TLK2: variants seen among roughly 807,000 people sequenced by gnomAD.
The protein encoded by TLK2 is serine/threonine-protein kinase tousled-like 2.
In TLK2, 6 loss-of-function variants were observed where a neutral mutation model predicts 117.3. The observed-to-expected ratio is 0.05, with a 90% CI of 0.03 to 0.10. The LOEUF (loss-of-function observed/expected upper bound fraction) is 0.10. Ranked by LOEUF, TLK2 falls within the 10% of genes least tolerant of loss-of-function variation. The pLI is 1.00. For missense variants in TLK2, 299 were observed against 901.2 expected (o/e 0.33, Z 8.56); for synonymous variants, 257 against 316.7 (o/e 0.81, Z 2.00).
At chr17:62,576,570 C>T in intron 12 of TLK2, 139 bp from the exon 13 acceptor site, 1 of 664,352 alleles carries the variant, frequency 1.5e-6, no homozygotes, top group South Asian at 1.9e-5. Context: ...TGTCAGAGGA[C>T]TACAAGATAA....
chr17:62,516,507 C>T (rs1365797864), intron 2 of TLK2: 15 of 1,607,324 alleles, frequency 9.3e-6, no homozygotes, highest in African/African-American at 4.0e-5. Flanking sequence ...GCACAATCTC[C>T]GGGGGCAGAT....
chr17:62,517,501 T>C (rs2145434150), intron 2 of TLK2, among the ~76,000 whole-genome samples: 1 of 151,904 alleles, frequency 6.6e-6, no homozygotes, highest in Non-Finnish European at 1.5e-5. Flanking sequence ...TTCACGCCAT[T>C]CTTCTGCCTC....
At position 62,606,258 on chromosome 17, in the gene TLK2, A is replaced by G. The variant is rs749046386; in HGVS notation, c.1971+17A>G. 5.9e-6 allele frequency: 9 copies of G among 1,522,156 alleles called. No individual in the cohort carries two copies. Among genetic ancestry groups the G allele is most frequent in the Non-Finnish European group, 7.2e-6 (8 of 1,107,730 alleles). 94.3% of individuals were successfully genotyped at this position (1,522,156 alleles called of 1,614,324 possible). On this transcript the variant is annotated intron_variant, in intron 20 of 21. Transcript: ENST00000346027. ...GGAAGGAAGGTAAGTTAGAAGGTTGATGGAGAAGCTTGATCTCTTTCTTGG... is the reference window on the plus strand; with the variant it reads ...GGAAGGAAGGTAAGTTAGAAGGTTGGTGGAGAAGCTTGATCTCTTTCTTGG...
rs34118887 is a variant in TLK2 at position 62,498,390 on chromosome 17, CTT to C, written c.81+17200_81+17201del. Among the ~76,000 whole-genome samples, 574 of 142,792 alleles carry C rather than the reference CTT, an allele frequency of 4.0e-3. 4 individuals carry two copies. Among genetic ancestry groups the C allele is most frequent in the Middle Eastern group, 0.011 (3 of 284 alleles). The allele number at this position is 142,792 out of a possible 152,430, so 93.7% of individuals were successfully genotyped here. A position where few individuals can be genotyped will look rare whatever the true frequency, so the allele number is the denominator to read the frequency against. ...GTTGATAGTGTCGTAGAAAGCCCCC[CTT>C]TTTTTTTTTTTTTTTGAGACAAAGT... is the stretch of plus-strand genomic sequence containing the variant. On this transcript the variant is annotated intron_variant, in intron 2 of 21. Transcript: ENST00000346027.
chr17:62,596,747 T>C, intron 17 of TLK2, 73 bp downstream of exon 17: 2 of 1,341,396 alleles, frequency 1.5e-6, no homozygotes, highest in Non-Finnish European at 2.1e-6. Context: ...GGAATAGAGC[T>C]GAACTCTGGG....
chr17:62,594,788 G>GGA (rs2147071680), intron 16 of TLK2, among the ~76,000 whole-genome samples: 1 of 110,110 alleles, frequency 9.1e-6, no homozygotes, highest in African/African-American at 3.6e-5. Flanking sequence ...TGCAGGGCGG[G>GGA]TACACACACA....
At chr17:62,509,024 C>T (rs2074943171) in intron 2 of TLK2, among the ~76,000 whole-genome samples, 1 of 152,080 alleles carries the variant, frequency 6.6e-6, no homozygotes, top group Admixed American at 6.6e-5. Context: ...AAAATTGAGG[C>T]GATTATAAAA....
intron 17 of TLK2, among the ~76,000 whole-genome samples, chr17:62,598,611 A>G (rs777403621): frequency 1.7e-4 from 25 of 151,274 alleles, no homozygotes; most frequent in Non-Finnish European, 2.4e-4. Context: ...TGCAACCTCC[A>G]CCTCCCAGGT....
chr17:62,589,884 G>A (rs917451283), intron 16 of TLK2, among the ~76,000 whole-genome samples: 8 of 151,858 alleles, frequency 5.3e-5, no homozygotes, highest in African/African-American at 1.9e-4. Flanking sequence ...TCCACTCACT[G>A]CAAGCTCCGC....
chr17:62,565,285 C>A, intron 11 of TLK2, 148 bp downstream of exon 11: 5 of 1,028,376 alleles, frequency 4.9e-6, no homozygotes, highest in Non-Finnish European at 5.4e-6. Context: ...AGAAATGTAT[C>A]GAATGAGGTG....
chr17:62,542,733 C>T (rs1458118311), intron 7 of TLK2, among the ~76,000 whole-genome samples: 3 of 152,180 alleles, frequency 2.0e-5, no homozygotes, highest in Non-Finnish European at 4.4e-5. Context: ...TCAAGGTCTA[C>T]TGGATCTTTT....
intron 7 of TLK2, among the ~76,000 whole-genome samples, chr17:62,540,312 T>C (rs2077428122): frequency 6.7e-6 from 1 of 150,208 alleles, no homozygotes; most frequent in South Asian, 2.1e-4. Flanking sequence ...CTTGGAGTCA[T>C]TCTTGTCTTT....
chr17:62,531,622 G>A (rs1397247214), intron 6 of TLK2, among the ~76,000 whole-genome samples: 2 of 151,474 alleles, frequency 1.3e-5, no homozygotes, highest in African/African-American at 4.9e-5. Context: ...ATTTTTTGGG[G>A]GGTTTCTTCA....
rs534202077 is a variant in TLK2, at chr17:62,540,400, A to ATTTTTTTTTT, written c.531+4077_531+4086dup. Among the ~76,000 whole-genome samples, 116 of 19,964 alleles carry ATTTTTTTTTT rather than the reference A, an allele frequency of 5.8e-3. 11 individuals are homozygous for ATTTTTTTTTT. Among genetic ancestry groups the ATTTTTTTTTT allele is most frequent in the East Asian group, 0.015 (2 of 132 alleles). The allele number at this position is 19,964 out of a possible 152,430, so 13.1% of individuals were successfully genotyped here. On this transcript the variant is annotated intron_variant, in intron 7 of 21. Transcript: ENST00000346027. ...ATTTTACCTTCAAAATATGTTCAGA[A>ATTTTTTTTTT]TTTTTTTTTTTTTTTTTTTTTTTGA...
Position 62,501,200 on chromosome 17 carries a change from T to C in TLK2, c.82-19573T>C, listed in dbSNP as rs533898161. Among the ~76,000 whole-genome samples the C allele has an allele frequency of 1.2e-4, 19 of 152,104 alleles. No homozygotes were observed. The South Asian group carries it at 1.9e-3, about 15-fold the overall frequency. The stretch of plus-strand genomic sequence containing the variant: ...TTGCAGTGAGCCAAGATCGTGCCAC[T>C]ACACTCCAGCCTGGGTGACAGAGCA... On this transcript the variant is annotated intron_variant, in intron 2 of 21. Coordinates refer to ENST00000346027, the MANE Select transcript of TLK2 (RefSeq NM_006852.6).
chr17:62,540,193 C>G (rs1184816389), intron 7 of TLK2, among the ~76,000 whole-genome samples: 1 of 149,370 alleles, frequency 6.7e-6, no homozygotes, highest in East Asian at 2.0e-4. Flanking sequence ...CCAGTTTGGC[C>G]TCCCAAAGTG....
intron 21 of TLK2, among the ~76,000 whole-genome samples, chr17:62,611,428 T>C (rs1007022226): frequency 1.3e-5 from 2 of 152,222 alleles, no homozygotes; most frequent in Admixed American, 6.5e-5. Context: ...TCAAATCAAC[T>C]TTGCTTTTTA....
chr17:62,606,253 G>A lies in TLK2; in HGVS notation c.1971+12G>A. Reference sequence around the variant, plus strand: ...TTTATGGAAGGAAGGTAAGTTAGAAGGTTGATGGAGAAGCTTGATCTCTTT... The same window carrying A: ...TTTATGGAAGGAAGGTAAGTTAGAAAGTTGATGGAGAAGCTTGATCTCTTT... On this transcript the variant is annotated intron_variant, in intron 20 of 21. Transcript: ENST00000346027. 6.5e-7 allele frequency: 1 copy of A among 1,536,558 alleles called. No homozygotes were observed. The highest frequency in any genetic ancestry group is 1.2e-5 in the South Asian group (1 of 83,052).
In TLK2 at chr17:62,479,150, C is replaced by T. The variant is rs1340822926; in HGVS notation, c.-146C>T. The T allele has an allele frequency of 6.6e-6, 1 of 150,838 alleles. No homozygotes were observed. Among genetic ancestry groups the T allele is most frequent in the East Asian group, 2.0e-4 (1 of 5,048 alleles). The allele number at this position is 150,838 out of a possible 1,614,324, so 9.3% of individuals were successfully genotyped here. On this transcript the variant is annotated 5_prime_UTR_variant, in exon 1 of 22. Coordinates refer to ENST00000346027, the MANE Select transcript of TLK2 (RefSeq NM_006852.6). ...GGAGCCCGGCGCCGGCGGCGGCTGC[C>T]CGGGCGGGGGGTTGCGGCGCTCAGG...
Sources: allele counts gnomAD v4.1 joint callset (sites outside exome capture counted in the v4.1 genomes callset), GRCh38; gene constraint gnomAD v4.1.1; transcripts MANE v1.5; gene names NCBI Gene and HGNC (gene_info 2026-07-23, HGNC 2026-07-21).